Variants in TJP3 observed in about 807,000 individuals in gnomAD.
TJP3 encodes the protein tight junction protein ZO-3.
In TJP3, 85 loss-of-function variants were observed where a neutral mutation model predicts 104.2. The ratio of observed to expected loss-of-function variants is 0.82; its 90% confidence interval spans 0.68 to 0.98. The LOEUF (loss-of-function observed/expected upper bound fraction) is 0.98, where lower values mean the gene tolerates loss of function less well. Among genes scored for constraint, TJP3 ranks in the 50% least tolerant of loss-of-function variants. TJP3 has a pLI of 0.00. For missense variants in TJP3, 1,367 were observed against 1,322.8 expected, an observed-to-expected ratio of 1.03 and a Z score of -0.52; for synonymous variants, 550 against 550.6, an observed-to-expected ratio of 1.00 and a Z score of 0.02.
At chr19:3,714,888 G>T (rs1210745556) in intron 1 of TJP3, among the ~76,000 whole-genome samples, 1 of 152,192 alleles carries the variant, frequency 6.6e-6, no homozygotes, top group Non-Finnish European at 1.5e-5. Context: ...CCTGAACGCT[G>T]GTTCCCAATC....
chr19:3,740,061 A>G (rs616105), intron 13 of TJP3, among the ~76,000 whole-genome samples: 45,425 of 151,760 alleles, frequency 0.3, 7,053 homozygotes, highest in Non-Finnish European at 0.34. Flanking sequence ...GTGAAACCCC[A>G]TCCCTACTAA....
At chr19:3,747,055 G>C (rs898630122) in intron 18 of TJP3, among the ~76,000 whole-genome samples, 179 bp downstream of exon 18, 1 of 152,098 alleles carries the variant, frequency 6.6e-6, no homozygotes. Flanking sequence ...GATGAGATTG[G>C]AGGAGCTGTT....
chr19:3,714,503 G>A (rs943169424), intron 1 of TJP3, among the ~76,000 whole-genome samples: 5 of 151,866 alleles, frequency 3.3e-5, no homozygotes, highest in Admixed American at 2.6e-4. Context: ...TATTGAGCAC[G>A]TACTGCATAC....
At chr19:3,717,775 T>G (rs1159768005) in intron 1 of TJP3, among the ~76,000 whole-genome samples, 1 of 150,646 alleles carries the variant, frequency 6.6e-6, no homozygotes, top group Non-Finnish European at 1.5e-5. Context: ...GAGATGGGGG[T>G]CTCACTGTGT....
rs1178775873 is a variant in TJP3 at position 3,730,415 on chromosome 19, G to C, written c.322G>C (p.Gly108Arg). 2 of 1,586,240 alleles carry C rather than the reference G, an allele frequency of 1.3e-6. No individual in the cohort carries two copies. Among genetic ancestry groups the C allele is most frequent in the Non-Finnish European group, 1.7e-6 (2 of 1,167,640 alleles). The part of the protein sequence containing the change: ...PATKASPSSP[G>R]RQDSDEDDGP... ...CACCAAAGCCAGCCCCTCCAGCCCA[G>C]GGCGCCAGGACTCGGATGAAGACGA... Residue 108 changes from glycine (G) to arginine (R), a missense_variant, in exon 5 of 21, where the codon GGG becomes CGG. Physicochemically the swap from Gly to Arg is moderately radical, Grantham distance 125. Coordinates refer to ENST00000541714, the MANE Select transcript of TJP3 (RefSeq NM_001267560.2). This position sits in a 1 kb window ranked among gnomAD's most constrained non-coding sequence, Gnocchi z 7.3.
chr19:3,739,962 G>A lies in TJP3; in HGVS notation c.1632-590G>A, dbSNP rs569084435. Among the ~76,000 whole-genome samples the A allele has an allele frequency of 1.4e-4, 22 of 152,136 alleles. No individual in the cohort carries two copies. The South Asian group carries it at 2.9e-3, about 20-fold the overall frequency. On this transcript the variant is annotated intron_variant, in intron 13 of 20. Transcript: ENST00000541714. ...TTAATCCCATCTGCAGGCCAGGCAC[G>A]GTGGCTCACGCCTGTAATCCCAGCA...
chr19:3,709,608 C>T (rs563306522), intron 1 of TJP3, among the ~76,000 whole-genome samples: 1 of 152,216 alleles, frequency 6.6e-6, no homozygotes, highest in Middle Eastern at 3.4e-3. Context: ...CAAGAGGGTC[C>T]CCCGGGGCCG....
At chr19:3,727,059 C>G (rs1175914232) in intron 1 of TJP3, among the ~76,000 whole-genome samples, 1 of 151,790 alleles carries the variant, frequency 6.6e-6, no homozygotes, top group East Asian at 1.9e-4. Context: ...TGCACTCCAG[C>G]CTGAGTGACA....
rs376401816 is a variant in TJP3 at position 3,736,277 on chromosome 19, C to T, written c.1240C>T (p.Pro414Ser). ...IFVSGVQAGS[P>S]ADGQGIQEGD... ...CGTGTCCGGGGTGCAGGCGGGCAGCCCGGCCGACGGGCAGGGCATCCAGGA... is the reference window on the plus strand; with the variant it reads ...CGTGTCCGGGGTGCAGGCGGGCAGCTCGGCCGACGGGCAGGGCATCCAGGA... Residue 414 changes from proline to serine, a missense_variant, in exon 11 of 21, where the codon CCG becomes TCG. Pro to Ser is a moderately conservative substitution (Grantham distance 74, BLOSUM62 -1). Coordinates refer to ENST00000541714, the MANE Select transcript of TJP3 (RefSeq NM_001267560.2). The T allele has an allele frequency of 3.2e-6, 5 of 1,540,336 alleles. No homozygotes were observed. In the African/African-American group the frequency reaches 6.9e-5, roughly 21 times the overall value.
chr19:3,709,837 G>C (rs924829691), intron 1 of TJP3, among the ~76,000 whole-genome samples: 1 of 152,214 alleles, frequency 6.6e-6, no homozygotes, highest in South Asian at 2.1e-4. Context: ...CCGGGCCTCT[G>C]TTTCCTGCTC....
chr19:3,720,901 C>CTTTTT (rs370206267), intron 1 of TJP3, among the ~76,000 whole-genome samples: 62 of 114,334 alleles, frequency 5.4e-4, no homozygotes, highest in Non-Finnish European at 7.4e-4. Context: ...CCTTCCTTTT[C>CTTTTT]TTTTTTTTTT....
At chr19:3,708,868 A>G (rs2036408459) in intron 1 of TJP3, among the ~76,000 whole-genome samples, 1 of 152,176 alleles carries the variant, frequency 6.6e-6, no homozygotes, top group Non-Finnish European at 1.5e-5. Context: ...TTGGTCTCTG[A>G]TCCCCCTAAC....
rs1372020764 is a variant in TJP3, at chr19:3,730,087, T to G, written c.218T>G (p.Phe73Cys). 6.2e-7 allele frequency: 1 copy of G among 1,614,052 alleles called. No homozygotes were observed. Among genetic ancestry groups the G allele is most frequent in the Non-Finnish European group, 8.5e-7 (1 of 1,180,004 alleles). Residue 73 changes from phenylalanine to cysteine, a missense_variant, in exon 4 of 21, where the codon TTT becomes TGT. By Grantham distance (205) the Phe-to-Cys change is radical. Transcript: ENST00000541714. The surrounding 1 kb of genome is among the most constrained non-coding windows in gnomAD (Gnocchi z 7.3). ...GVSMENATSA[F>C]AIQILKTCTK... ...TCCATGGAGAATGCCACCTCCGCGT[T>G]TGCCATTCAGATACTCAAGACCTGC... is the stretch of plus-strand genomic sequence containing the variant.
At chr19:3,749,041 A>G (rs1216040140) in intron 19 of TJP3, among the ~76,000 whole-genome samples, 1 of 142,072 alleles carries the variant, frequency 7.0e-6, no homozygotes, top group African/African-American at 2.6e-5. Context: ...TTTTTTTTTT[A>G]AGGTATTCTT....
At chr19:3,745,018 T>C (rs1158833901) in intron 15 of TJP3, among the ~76,000 whole-genome samples, 1 of 150,916 alleles carries the variant, frequency 6.6e-6, no homozygotes, top group South Asian at 2.1e-4. Flanking sequence ...GAGGCCAAGG[T>C]GTGAGGATGA....
intron 1 of TJP3, among the ~76,000 whole-genome samples, chr19:3,715,701 C>G (rs1359155359): frequency 6.6e-6 from 1 of 152,194 alleles, no homozygotes; most frequent in African/African-American, 2.4e-5. Context: ...CTGGGCAATG[C>G]AGGGTGCTTA....
intron 1 of TJP3, chr19:3,721,819 G>C: frequency 1.1e-6 from 1 of 909,528 alleles, no homozygotes; most frequent in Non-Finnish European, 1.4e-6. Flanking sequence ...CCCTCCCCCA[G>C]CCCGGGGTGG....
intron 1 of TJP3, among the ~76,000 whole-genome samples, chr19:3,724,926 AAG>A (rs1380840336): frequency 6.6e-6 from 1 of 152,096 alleles, no homozygotes; most frequent in African/African-American, 2.4e-5. Context: ...TCAGAAGAAA[AAG>A]AGTAAATAAT....
chr19:3,735,664 T>TGTCCCTGACATTTCTG (rs769746540), intron 9 of TJP3, 25 bp downstream of exon 9: 2 of 1,613,028 alleles, frequency 1.2e-6, no homozygotes, highest in Non-Finnish European at 1.7e-6. Context: ...TGAGCACCCC[T>TGTCCCTGACATTTCTG]GTCCCTGACA....
Sources: gnomAD v4.1 joint callset for allele counts (sites outside exome capture counted in the v4.1 genomes callset) on GRCh38, gnomAD v4.1.1 for gene constraint, Gnocchi (gnomAD v3.1) non-coding constraint, MANE v1.5 for transcripts, NCBI Gene and HGNC (gene_info 2026-07-23, HGNC 2026-07-21) for gene names.